PPDPFL: variants seen among roughly 807,000 people sequenced by gnomAD.
PPDPFL encodes pancreatic progenitor cell differentiation and proliferation factor like.
Under a neutral mutation model 12.6 loss-of-function variants are expected in PPDPFL, and 12 were observed. The ratio of observed to expected loss-of-function variants is 0.95; its 90% confidence interval spans 0.61 to 1.54. The LOEUF is 1.54. PPDPFL is among the 40% of genes most tolerant of loss of function. The pLI, the probability that PPDPFL is intolerant of heterozygous loss-of-function variation, is 0.00. For missense variants in PPDPFL, 114 were observed against 96.0 expected (o/e 1.19, Z -0.78); for synonymous variants, 24 against 32.7 (o/e 0.73, Z 0.91).
chr8:49,064,647 T>G (rs1351303963), intron 1 of PPDPFL, among the ~76,000 whole-genome samples: 5 of 152,110 alleles, frequency 3.3e-5, no homozygotes, highest in Non-Finnish European at 7.4e-5. Flanking sequence ...TTTCAGCATT[T>G]TCCCAAGAAA....
chr8:49,073,692 G>C (rs1346877694), intron 2 of PPDPFL, among the ~76,000 whole-genome samples: 6 of 152,064 alleles, frequency 3.9e-5, no homozygotes, highest in African/African-American at 7.2e-5. Context: ...GACTTCTGTA[G>C]AACTTTAAAT....
At chr8:49,068,848 A>G (rs1808338513), upstream of PPDPFL, among the ~76,000 whole-genome samples, 1 of 152,220 alleles carries the variant, frequency 6.6e-6, no homozygotes, top group African/African-American at 2.4e-5. Flanking sequence ...AAAATTATGT[A>G]GAAAGATCTC....
chr8:49,072,668 C>A, intron 1 of PPDPFL, 119 bp from the exon 2 acceptor site: 1 of 501,258 alleles, frequency 2.0e-6, no homozygotes, highest in African/African-American at 2.0e-5. Context: ...ATTTAAATTC[C>A]TTTTATCATA....
chr8:49,060,883 G>A (rs1354590140), intron 1 of PPDPFL, among the ~76,000 whole-genome samples: 2 of 152,222 alleles, frequency 1.3e-5, no homozygotes, highest in African/African-American at 4.8e-5. Context: ...TTGGTAAATT[G>A]TCTAAGTGAT....
Position 49,074,000 on chromosome 8 carries a change from C to T in PPDPFL, c.56-59C>T, listed in dbSNP as rs77929422. On this transcript the variant is annotated intron_variant, in intron 2 of 4. Coordinates refer to ENST00000522267, the MANE Select transcript of PPDPFL (RefSeq NM_001256597.2). Reference sequence around the variant, plus strand: ...CTTGACAGTTTGTATATAAATGATGCGGATTTGCTTGTCTGGTTGCCAGTT... The same window carrying T: ...CTTGACAGTTTGTATATAAATGATGTGGATTTGCTTGTCTGGTTGCCAGTT... 6.9e-4 allele frequency: 768 copies of T among 1,111,570 alleles called. 5 individuals are homozygous for T. The East Asian group carries it at 0.016, about 23-fold the overall frequency. The allele number at this position is 1,111,570 out of a possible 1,614,324, so 68.9% of individuals were successfully genotyped here.
At chr8:49,055,996 A>C (rs1348682789) in intron 1 of PPDPFL, among the ~76,000 whole-genome samples, 2 of 152,144 alleles carry the variant, frequency 1.3e-5, no homozygotes, top group Non-Finnish European at 2.9e-5. Context: ...ACTTGCTTGC[A>C]CTTTTGATAA....
intron 2 of PPDPFL, among the ~76,000 whole-genome samples, chr8:49,073,249 G>A (rs1808425483): frequency 6.6e-6 from 1 of 152,164 alleles, no homozygotes. Flanking sequence ...GCATGACTTT[G>A]CTTCAAAAAT....
intron 1 of PPDPFL, among the ~76,000 whole-genome samples, chr8:49,063,491 A>T (rs995308309): frequency 1.3e-5 from 2 of 152,154 alleles, no homozygotes; most frequent in African/African-American, 2.4e-5. Flanking sequence ...AGGCTGTGGC[A>T]GGTGGATCTC....
At chr8:49,062,841 C>A (rs1431987548) in intron 1 of PPDPFL, among the ~76,000 whole-genome samples, 2 of 152,088 alleles carry the variant, frequency 1.3e-5, no homozygotes, top group African/African-American at 2.4e-5. Context: ...GAAGCTAGAT[C>A]AAAAAATATT....
At chr8:49,064,577 C>T (rs1563298991) in intron 1 of PPDPFL, among the ~76,000 whole-genome samples, 1 of 152,106 alleles carries the variant, frequency 6.6e-6, no homozygotes. Context: ...ACAAGCCCAC[C>T]GAGGCCCACT....
At chr8:49,057,338 A>G (rs1236937753) in intron 1 of PPDPFL, among the ~76,000 whole-genome samples, 5 of 152,166 alleles carry the variant, frequency 3.3e-5, no homozygotes, top group African/African-American at 1.2e-4. Flanking sequence ...AATAAGCCAT[A>G]AGCACTTTAT....
At chr8:49,071,268 C>A (rs1481605755), upstream of PPDPFL, among the ~76,000 whole-genome samples, 1 of 152,156 alleles carries the variant, frequency 6.6e-6, no homozygotes, top group African/African-American at 2.4e-5. Context: ...AATACACAAC[C>A]AATAGCCACT....
upstream of PPDPFL, among the ~76,000 whole-genome samples, chr8:49,070,891 G>A (rs1808374130): frequency 6.6e-6 from 1 of 152,062 alleles, no homozygotes. Flanking sequence ...TGTGTGTTAA[G>A]AGCACCTGAA....
At chr8:49,066,926 C>G (rs1310971822) in intron 1 of PPDPFL, among the ~76,000 whole-genome samples, 1 of 152,062 alleles carries the variant, frequency 6.6e-6, no homozygotes, top group Non-Finnish European at 1.5e-5. Context: ...CTGTAAGCTC[C>G]CAGGATCTTT....
intron 1 of PPDPFL, among the ~76,000 whole-genome samples, chr8:49,056,491 A>T (rs757642270): frequency 6.6e-6 from 1 of 152,146 alleles, no homozygotes; most frequent in Non-Finnish European, 1.5e-5. Flanking sequence ...AGATTACTTG[A>T]GTTCAATTAG....
chr8:49,054,995 G>A (rs16939356), intron 1 of PPDPFL, among the ~76,000 whole-genome samples: 2,974 of 152,132 alleles, frequency 0.02, 99 homozygotes, highest in African/African-American at 0.069. Flanking sequence ...GTCTCCAGTC[G>A]CTGTTGAGCT....
chr8:49,054,364 G>A (rs1381098180), exon 1 of PPDPFL: 1 of 151,910 alleles, frequency 6.6e-6, no homozygotes, highest in Non-Finnish European at 1.5e-5. Context: ...TTCTACTTAA[G>A]GCATAGTAAA....
chr8:49,073,997 A>T, intron 2 of PPDPFL, 62 bp from the exon 3 acceptor site: 6 of 1,067,298 alleles, frequency 5.6e-6, no homozygotes, highest in Non-Finnish European at 2.9e-6. Flanking sequence ...TATATAAATG[A>T]TGCGGATTTG....
intron 1 of PPDPFL, among the ~76,000 whole-genome samples, chr8:49,066,314 C>G (rs1808299625): frequency 6.6e-6 from 1 of 152,198 alleles, no homozygotes; most frequent in African/African-American, 2.4e-5. Flanking sequence ...CTAGGGTTAG[C>G]CACTAAGTTC....
Sources: gnomAD v4.1 joint callset for allele counts (sites outside exome capture counted in the v4.1 genomes callset) on GRCh38, gnomAD v4.1.1 for gene constraint, MANE v1.5 for transcripts, NCBI Gene and HGNC (gene_info 2026-07-23, HGNC 2026-07-21) for gene names.